CLNK: variants seen among roughly 807,000 people sequenced by gnomAD.
CLNK encodes the protein cytokine-dependent hematopoietic cell linker.
A neutral mutation model predicts 68.6 loss-of-function variants in CLNK; 74 were observed. The ratio of observed to expected loss-of-function variants is 1.08; its 90% CI spans 0.89 to 1.31. CLNK has a LOEUF of 1.31. CLNK is among the 50% of genes most tolerant of loss of function. The pLI is 0.00. For synonymous variants in CLNK, 198 were observed against 172.2 expected, an observed-to-expected ratio of 1.15 and a Z score of -1.17; for missense variants, 553 against 515.3, an observed-to-expected ratio of 1.07 and a Z score of -0.71.
At chr4:10,721,371 A>C in the CLNK span, among the ~76,000 whole-genome samples, 42 of 152,232 alleles carry the variant, frequency 2.8e-4, no homozygotes, top group Non-Finnish European at 5.9e-4. Context: ...TTTATTTCTT[A>C]AAACTGCATG....
intron 2 of CLNK, among the ~76,000 whole-genome samples, chr4:10,641,341 G>A (rs2108875702): frequency 6.6e-6 from 1 of 152,304 alleles, no homozygotes; most frequent in East Asian, 1.9e-4. Flanking sequence ...ACAGCAGGTG[G>A]TTCCCATCAT....
intron 18 of CLNK, among the ~76,000 whole-genome samples, chr4:10,492,440 T>C (rs1045234198): frequency 6.6e-6 from 1 of 152,158 alleles, no homozygotes; most frequent in Non-Finnish European, 1.5e-5. Flanking sequence ...GAGAATGAGA[T>C]TGGCCAGTTA....
intron 2 of CLNK, among the ~76,000 whole-genome samples, chr4:10,629,469 C>T (rs1339242025): frequency 1.3e-5 from 2 of 152,122 alleles, no homozygotes; most frequent in African/African-American, 4.8e-5. Context: ...ACAGATGAGG[C>T]CCCCTGATAT....
At chr4:10,499,122 C>T (rs1399759203) in intron 18 of CLNK, among the ~76,000 whole-genome samples, 1 of 152,152 alleles carries the variant, frequency 6.6e-6, no homozygotes, top group Non-Finnish European at 1.5e-5. Context: ...ATTACAGACA[C>T]CCCTTCCCCT....
At chr4:10,533,523 T>C (rs1232639471) in intron 11 of CLNK, among the ~76,000 whole-genome samples, 3 of 152,212 alleles carry the variant, frequency 2.0e-5, no homozygotes, top group African/African-American at 4.8e-5. Flanking sequence ...AGTACTCAGA[T>C]GCTAGATCCC....
chr4:10,515,411 T>A (rs1233330007), intron 15 of CLNK, among the ~76,000 whole-genome samples: 3 of 152,196 alleles, frequency 2.0e-5, no homozygotes, highest in African/African-American at 7.2e-5. Flanking sequence ...TTCCTTTTCT[T>A]AAACATGACA....
chr4:10,669,239 A>T (rs766619167), intron 1 of CLNK, among the ~76,000 whole-genome samples: 41 of 152,356 alleles, frequency 2.7e-4, no homozygotes, highest in Middle Eastern at 6.8e-3. Context: ...AGCCACTTCT[A>T]AAACTAAGTA....
the CLNK span, among the ~76,000 whole-genome samples, chr4:10,709,777 A>C: frequency 2.8e-4 from 43 of 152,174 alleles, no homozygotes; most frequent in African/African-American, 1.0e-3. Flanking sequence ...CCAAATAAAC[A>C]CCAACAGGCT....
intron 1 of CLNK, among the ~76,000 whole-genome samples, chr4:10,679,143 G>C (rs967531649): frequency 6.6e-6 from 1 of 152,158 alleles, no homozygotes; most frequent in African/African-American, 2.4e-5. Flanking sequence ...AACCAAAACA[G>C]CATGGTACTG....
chr4:10,576,037 C>A (rs1720549994), intron 4 of CLNK, among the ~76,000 whole-genome samples: 1 of 152,160 alleles, frequency 6.6e-6, no homozygotes, highest in Non-Finnish European at 1.5e-5. Context: ...GCTCCCGCAA[C>A]CCACGTGTAG....
At chr4:10,567,543 C>G (rs1193968624) in intron 5 of CLNK, among the ~76,000 whole-genome samples, 3 of 151,364 alleles carry the variant, frequency 2.0e-5, no homozygotes, top group Admixed American at 6.6e-5. Flanking sequence ...TTAGATAGAA[C>G]AAAAAAATAC....
At chr4:10,670,977 T>G (rs963201335) in intron 1 of CLNK, among the ~76,000 whole-genome samples, 1 of 152,230 alleles carries the variant, frequency 6.6e-6, no homozygotes, top group South Asian at 2.1e-4. Flanking sequence ...ACTTGTATTT[T>G]GAAATTTGAA....
At chr4:10,502,328 AGAG>A in intron 17 of CLNK, among the ~76,000 whole-genome samples, 1 of 152,162 alleles carries the variant, frequency 6.6e-6, no homozygotes, top group Middle Eastern at 3.4e-3. Context: ...GAGTGAAGGG[AGAG>A]GAGCCCCTTA....
chr4:10,592,840 C>T (rs546550164), intron 3 of CLNK, among the ~76,000 whole-genome samples: 3 of 152,228 alleles, frequency 2.0e-5, no homozygotes, highest in South Asian at 2.1e-4. Flanking sequence ...ATTTTCCTGC[C>T]TCAGCCTCCC....
chr4:10,523,739 A>T (rs1718181172), intron 14 of CLNK, among the ~76,000 whole-genome samples: 1 of 152,190 alleles, frequency 6.6e-6, no homozygotes, highest in Non-Finnish European at 1.5e-5. Context: ...ACATTAAGAA[A>T]GGGGGCCAGG....
At chr4:10,520,450 C>G (rs901256634) in intron 15 of CLNK, among the ~76,000 whole-genome samples, 1 of 152,142 alleles carries the variant, frequency 6.6e-6, no homozygotes, top group Non-Finnish European at 1.5e-5. Flanking sequence ...ATGTCTACTT[C>G]GGAAAACACA....
rs11404268 is a variant in CLNK, at chr4:10,553,051, A to AGG, written c.445+5354_445+5355dup. Among the ~76,000 whole-genome samples, 657 of 151,394 alleles carry AGG rather than the reference A, an allele frequency of 4.3e-3. 5 individuals carry two copies. The highest frequency in any genetic ancestry group is 0.014 in the Middle Eastern group (4 of 294). On this transcript the variant is annotated intron_variant, in intron 8 of 18. Coordinates refer to ENST00000226951, the MANE Select transcript of CLNK (RefSeq NM_052964.4). The stretch of plus-strand genomic sequence containing the variant: ...TCCCCCAGGGACTGGCAGGAAGAGG[A>AGG]GGGGGGGGCATGCAGGGGCGGAAGC...
At chr4:10,644,574 C>T (rs1279076117) in intron 2 of CLNK, among the ~76,000 whole-genome samples, 1 of 152,098 alleles carries the variant, frequency 6.6e-6, no homozygotes, top group Non-Finnish European at 1.5e-5. Context: ...AGTAGAGGCT[C>T]AGGCAGAAGA....
intron 1 of CLNK, among the ~76,000 whole-genome samples, chr4:10,682,640 A>G (rs1237770045): frequency 6.6e-6 from 1 of 152,208 alleles, no homozygotes; most frequent in South Asian, 2.1e-4. Context: ...CCTAAAGACG[A>G]ACAGTAAAGT....
Sources: gnomAD v4.1 joint callset for allele counts (sites outside exome capture counted in the v4.1 genomes callset) on GRCh38, gnomAD v4.1.1 for gene constraint, MANE v1.5 for transcripts, NCBI Gene and HGNC (gene_info 2026-07-23, HGNC 2026-07-21) for gene names.